The following UBE2L3 variants were observed in gnomAD, a reference collection of about 807,000 sequenced individuals.
UBE2L3 encodes the protein ubiquitin conjugating enzyme E2 L3, also known as ubiquitin-conjugating enzyme E2 L3.
In UBE2L3, 1 loss-of-function variant was observed where a neutral mutation model predicts 17.8. The observed-to-expected ratio is 0.06, with a 90% CI of 0.02 to 0.27. The LOEUF (loss-of-function observed/expected upper bound fraction) is 0.27, where lower values mean the gene tolerates loss of function less well. Among genes scored for constraint, UBE2L3 ranks in the 10% least tolerant of loss-of-function variants. The pLI, the probability that UBE2L3 is intolerant of heterozygous loss-of-function variation, is 1.00. For synonymous variants in UBE2L3, 44 were observed against 68.5 expected, an observed-to-expected ratio of 0.64 and a Z score of 1.76; for missense variants, 40 against 192.6, an observed-to-expected ratio of 0.21 and a Z score of 4.69.
chr22:21,617,381 C>T (rs1929832747), intron 3 of UBE2L3, among the ~76,000 whole-genome samples: 1 of 152,042 alleles, frequency 6.6e-6, no homozygotes, highest in African/African-American at 2.4e-5. Flanking sequence ...TTTCTCCTCC[C>T]TCAGCCTCCC....
At chr22:21,557,855 C>T (rs1443555304) in intron 1 of UBE2L3, among the ~76,000 whole-genome samples, 6 of 152,320 alleles carry the variant, frequency 3.9e-5, no homozygotes, top group Non-Finnish European at 7.3e-5. Flanking sequence ...TTATCAGATT[C>T]GAAGAAGTGT....
chr22:21,608,101 G>T (rs946523451), intron 2 of UBE2L3, among the ~76,000 whole-genome samples: 4 of 152,188 alleles, frequency 2.6e-5, no homozygotes. Context: ...ATAACACCGT[G>T]CATCTCTTAG....
intron 1 of UBE2L3, among the ~76,000 whole-genome samples, chr22:21,586,962 G>A (rs1269201490): frequency 6.7e-6 from 1 of 148,446 alleles, no homozygotes; most frequent in Non-Finnish European, 1.5e-5. Context: ...CTTGGCTCAC[G>A]GCAACCTCTG....
rs1189077320 is a variant in UBE2L3, at chr22:21,602,687, T to TTGTGCCATGGGAGGTTGATA, written c.124-8168_124-8149dup. On this transcript the variant is annotated intron_variant, in intron 2 of 3. Transcript: ENST00000342192. ...TAGTCTTAGCTGCCACAAAATGGCT[T>TTGTGCCATGGGAGGTTGATA]TGTGCCATGGGAGGTTGATATCAAG... Among the ~76,000 whole-genome samples, 14 of 152,352 alleles carry TTGTGCCATGGGAGGTTGATA rather than the reference T, an allele frequency of 9.2e-5. No individual in the cohort carries two copies. The East Asian group carries it at 2.7e-3, about 29-fold the overall frequency.
At chr22:21,602,276 C>G (rs1928908596) in intron 2 of UBE2L3, among the ~76,000 whole-genome samples, 1 of 152,202 alleles carries the variant, frequency 6.6e-6, no homozygotes, top group South Asian at 2.1e-4. Flanking sequence ...CTAGTTAGAT[C>G]CAAACTAGGA....
At chr22:21,611,680 A>C (rs1187495030) in intron 3 of UBE2L3, among the ~76,000 whole-genome samples, 1 of 152,170 alleles carries the variant, frequency 6.6e-6, no homozygotes, top group African/African-American at 2.4e-5. Flanking sequence ...TCTGGGAAGA[A>C]TATTTGAGTC....
At chr22:21,558,758 G>A (rs908767396) in intron 1 of UBE2L3, among the ~76,000 whole-genome samples, 5 of 152,104 alleles carry the variant, frequency 3.3e-5, no homozygotes, top group Admixed American at 3.3e-4. Flanking sequence ...CCAGAGGGCT[G>A]GGATTACAGG....
chr22:21,621,987 T>TA lies in UBE2L3; in HGVS notation c.*318_*319insA. ...TCAAGTTACATTTAACCCATAAGGT[T>TA]TAAAAAAAAGGAAAAAAAACGGTTG... On this transcript the variant is annotated 3_prime_UTR_variant, in exon 4 of 4. Transcript: ENST00000342192. 1 of 237,892 alleles carries TA rather than the reference T, an allele frequency of 4.2e-6. No homozygotes were observed. The highest frequency in any genetic ancestry group is 6.4e-5 in the South Asian group (1 of 15,528). The allele number at this position is 237,892 out of a possible 1,614,324, so 14.7% of individuals were successfully genotyped here. A position where few individuals can be genotyped will look rare whatever the true frequency, so the allele number is the denominator to read the frequency against.
chr22:21,562,494 C>T (rs1345728972), intron 1 of UBE2L3, among the ~76,000 whole-genome samples: 1 of 151,742 alleles, frequency 6.6e-6, no homozygotes, highest in African/African-American at 2.4e-5. Flanking sequence ...GCCTCAACCT[C>T]CCGAGTAGCT....
chr22:21,573,668 G>A (rs1927105945), intron 1 of UBE2L3, among the ~76,000 whole-genome samples: 1 of 152,206 alleles, frequency 6.6e-6, no homozygotes, highest in Non-Finnish European at 1.5e-5. Flanking sequence ...GGCCAGTGAG[G>A]TTGAGTCTCT....
intron 1 of UBE2L3, among the ~76,000 whole-genome samples, chr22:21,581,398 T>C (rs556590315): frequency 1.1e-4 from 17 of 152,156 alleles, no homozygotes; most frequent in African/African-American, 4.1e-4. Flanking sequence ...CTATGTTGCC[T>C]AGGCTGGTCT....
chr22:21,551,960 G>A (rs1394333493), intron 1 of UBE2L3, among the ~76,000 whole-genome samples: 4 of 112,588 alleles, frequency 3.6e-5, no homozygotes, highest in Non-Finnish European at 7.1e-5. Context: ...AGCTGCAGAA[G>A]AAACATACAT....
chr22:21,582,605 A>G (rs998565810), intron 1 of UBE2L3, among the ~76,000 whole-genome samples: 3 of 151,994 alleles, frequency 2.0e-5, no homozygotes, highest in African/African-American at 4.8e-5. Context: ...GGCTCACTGC[A>G]ACCTCTGCCT....
intron 1 of UBE2L3, among the ~76,000 whole-genome samples, chr22:21,575,347 A>C (rs553816402): frequency 4.4e-4 from 65 of 146,946 alleles, no homozygotes; most frequent in African/African-American, 1.5e-3. Flanking sequence ...GCACTTTGAG[A>C]GGTCAAGGCG....
chr22:21,592,064 A>G (rs971249506), intron 1 of UBE2L3, among the ~76,000 whole-genome samples: 2 of 152,218 alleles, frequency 1.3e-5, no homozygotes, highest in Non-Finnish European at 2.9e-5. Context: ...TTCTGAAGAC[A>G]TCTCAGGCAG....
chr22:21,585,563 C>G (rs1214805501), intron 1 of UBE2L3, among the ~76,000 whole-genome samples: 1 of 152,208 alleles, frequency 6.6e-6, no homozygotes, highest in African/African-American at 2.4e-5. Context: ...CTCTGTTTAT[C>G]CATTTTGTAC....
chr22:21,600,315 A>C (rs1331631432), intron 2 of UBE2L3, among the ~76,000 whole-genome samples: 3 of 152,178 alleles, frequency 2.0e-5, no homozygotes, highest in Non-Finnish European at 1.5e-5. Context: ...CTCCATCTAA[A>C]AAAACAAAAC....
rs79290850 is a variant in UBE2L3, at chr22:21,602,009, G to A, written c.124-8848G>A. ...AAGACAAACCAGCCTGGGGCACTCC[G>A]AGCAGGGCAAGCCGCGTCCCCTTGT... On this transcript the variant is annotated intron_variant, in intron 2 of 3. Transcript: ENST00000342192. 4.1e-3 allele frequency among the ~76,000 whole-genome samples: 621 copies of A among 150,998 alleles called. 7 individuals carry two copies. Among genetic ancestry groups the A allele is most frequent in the African/African-American group, 0.014 (587 of 41,150 alleles).
intron 1 of UBE2L3, among the ~76,000 whole-genome samples, chr22:21,575,430 A>T (rs1927219948): frequency 7.2e-6 from 1 of 137,994 alleles, no homozygotes; most frequent in African/African-American, 2.7e-5. Context: ...AAAAAAAAAA[A>T]ATACAAAAAT....
Sources: gnomAD v4.1 joint callset for allele counts (sites outside exome capture counted in the v4.1 genomes callset) on GRCh38, gnomAD v4.1.1 for gene constraint, MANE v1.5 for transcripts, NCBI Gene and HGNC (gene_info 2026-07-23, HGNC 2026-07-21) for gene names.